The following CBFB variants were observed in gnomAD, a reference collection of about 807,000 sequenced individuals.
The protein encoded by CBFB is core-binding factor subunit beta.
In CBFB, 9 loss-of-function variants were observed where a neutral mutation model predicts 30.4. The ratio of observed to expected loss-of-function variants is 0.30; its 90% confidence interval spans 0.18 to 0.52. The LOEUF is 0.52. CBFB is among the 20% of genes least tolerant of loss of function. The pLI is 0.97. For synonymous variants in CBFB, 94 were observed against 84.0 expected, an observed-to-expected ratio of 1.12 and a Z score of -0.65; for missense variants, 170 against 244.0, an observed-to-expected ratio of 0.70 and a Z score of 2.02.
intron 3 of CBFB, among the ~76,000 whole-genome samples, chr16:67,052,881 T>G (rs964294895): frequency 2.6e-5 from 4 of 151,926 alleles, no homozygotes; most frequent in Admixed American, 6.6e-5. Flanking sequence ...GAGGATCCCT[T>G]GAGTCCTGGA....
intron 4 of CBFB, among the ~76,000 whole-genome samples, chr16:67,079,285 T>A (rs1219815378): frequency 6.6e-6 from 1 of 152,142 alleles, no homozygotes; most frequent in Non-Finnish European, 1.5e-5. Context: ...AGAAATGAAA[T>A]AACATTGCCC....
chr16:67,039,200 A>C (rs1966491306), intron 3 of CBFB, among the ~76,000 whole-genome samples: 1 of 152,204 alleles, frequency 6.6e-6, no homozygotes, highest in Admixed American at 6.5e-5. Flanking sequence ...CTCCTAGGCT[A>C]CAAACCTGTA....
chr16:67,078,796 C>A (rs1961476405), intron 4 of CBFB, among the ~76,000 whole-genome samples: 1 of 152,052 alleles, frequency 6.6e-6, no homozygotes, highest in East Asian at 1.9e-4. Flanking sequence ...ATTACAGGGG[C>A]CTGCCACCAT....
rs982061671 is a variant in CBFB at position 67,099,989 on chromosome 16, A to C, written c.*1211A>C. 2 of 208,942 alleles carry C rather than the reference A, an allele frequency of 9.6e-6. No individual in the cohort carries two copies. Among genetic ancestry groups the C allele is most frequent in the Non-Finnish European group, 2.0e-5 (2 of 102,546 alleles). The allele number at this position is 208,942 out of a possible 1,614,324, so 12.9% of individuals were successfully genotyped here. ...ACAGTTATATATATGGTATTTTGCA[A>C]AAGGACTATTAATAGAACCTTTTGA... On this transcript the variant is annotated 3_prime_UTR_variant, in exon 6 of 6. Transcript: ENST00000412916.
intron 5 of CBFB, among the ~76,000 whole-genome samples, chr16:67,096,947 A>G (rs554309486): frequency 6.6e-5 from 10 of 151,504 alleles, no homozygotes; most frequent in African/African-American, 2.4e-4. Context: ...AAAAAAATAC[A>G]TCTGAGTCGT....
At chr16:67,084,976 A>G (rs1260525172) in intron 5 of CBFB, among the ~76,000 whole-genome samples, 2 of 152,252 alleles carry the variant, frequency 1.3e-5, no homozygotes. Flanking sequence ...GAGTAAATAC[A>G]TGTGAAACCA....
At chr16:67,067,008 T>G (rs1381465478) in intron 4 of CBFB, 3 of 383,194 alleles carry the variant, frequency 7.8e-6, no homozygotes, top group Non-Finnish European at 1.5e-5. Flanking sequence ...TCATGGGTTA[T>G]TCGTATCTGC....
At chr16:67,061,202 A>C (rs1960901640) in intron 3 of CBFB, among the ~76,000 whole-genome samples, 1 of 152,260 alleles carries the variant, frequency 6.6e-6, no homozygotes, top group South Asian at 2.1e-4. Context: ...AGAAGAACAC[A>C]AGATGTGACA....
At chr16:67,062,312 G>A (rs1055445609) in intron 3 of CBFB, among the ~76,000 whole-genome samples, 5 of 150,278 alleles carry the variant, frequency 3.3e-5, no homozygotes, top group South Asian at 2.1e-4. Context: ...GGGATTACAA[G>A]AGCCCACCAC....
intron 3 of CBFB, among the ~76,000 whole-genome samples, chr16:67,046,148 C>A (rs1966623985): frequency 6.6e-6 from 1 of 151,756 alleles, no homozygotes; most frequent in Admixed American, 6.6e-5. Context: ...TCTCTGTCAC[C>A]CAGGCTGGAG....
chr16:67,049,021 A>G (rs1966688331), intron 3 of CBFB, among the ~76,000 whole-genome samples: 1 of 151,076 alleles, frequency 6.6e-6, no homozygotes, highest in African/African-American at 2.4e-5. Context: ...GGGTTTCTCC[A>G]TGTTGGTCAG....
chr16:67,066,857 C>A, intron 4 of CBFB, 59 bp downstream of exon 4: 1 of 952,446 alleles, frequency 1.0e-6, no homozygotes, highest in Non-Finnish European at 1.7e-6. Flanking sequence ...CTTGCCTTTG[C>A]CTGGGGACCT....
chr16:67,075,426 G>C (rs1961366969), intron 4 of CBFB, among the ~76,000 whole-genome samples: 1 of 152,130 alleles, frequency 6.6e-6, no homozygotes, highest in Non-Finnish European at 1.5e-5. Flanking sequence ...CATCAGAATG[G>C]TTCAAATGAA....
intron 3 of CBFB, among the ~76,000 whole-genome samples, chr16:67,054,311 G>T (rs1209972590): frequency 1.3e-5 from 2 of 152,026 alleles, no homozygotes; most frequent in Non-Finnish European, 2.9e-5. Context: ...AGAAGGCCTT[G>T]TTTCATTGTC....
At chr16:67,069,369 CA>C (rs770641806) in intron 4 of CBFB, among the ~76,000 whole-genome samples, 2,564 of 123,594 alleles carry the variant, frequency 0.021, 66 homozygotes, top group African/African-American at 0.065. Flanking sequence ...GACTTCATCT[CA>C]AAAAAAAAAA....
At position 67,099,822 on chromosome 16, in the gene CBFB, T is replaced by C; in HGVS notation, c.*1044T>C. ...AAGGTAATATTGTATTAAAATCATG[T>C]TTAAGATAGCTGCTTTTATGTGTAT... On this transcript the variant is annotated 3_prime_UTR_variant, in exon 6 of 6. Transcript: ENST00000412916. 4.7e-6 allele frequency: 1 copy of C among 212,158 alleles called. No homozygotes were observed. Among genetic ancestry groups the C allele is most frequent in the East Asian group, 7.1e-5 (1 of 14,016 alleles). 13.1% of individuals were successfully genotyped at this position (212,158 alleles called of 1,614,324 possible).
rs901863430 is a variant in CBFB at position 67,036,892 on chromosome 16, A to G, written c.282+137A>G. The G allele has an allele frequency of 1.5e-5, 9 of 613,802 alleles. No individual in the cohort carries two copies. In the African/African-American group the frequency reaches 1.5e-4, roughly 10 times the overall value. The allele number at this position is 613,802 out of a possible 1,614,324, so 38.0% of individuals were successfully genotyped here. On this transcript the variant is annotated intron_variant, in intron 3 of 5. Transcript: ENST00000412916. ...AGATTTGTTTTCATTCCATGTTATA[A>G]GGATGTAATATAATTTTTTTTTTTT...
chr16:67,091,161 C>T (rs9937433), intron 5 of CBFB, among the ~76,000 whole-genome samples: 5,530 of 152,158 alleles, frequency 0.036, 338 homozygotes, highest in African/African-American at 0.12. Flanking sequence ...GAAAAGGATA[C>T]GAAATCTGAC....
At position 67,039,128 on chromosome 16, in the gene CBFB, A is replaced by T. The variant is rs138174290; in HGVS notation, c.282+2373A>T. Reference sequence around the variant, plus strand: ...TTATCATTGTGTATATATAGAGTGTACTTACACAGATCTAGATGGTATAGC... The same window carrying T: ...TTATCATTGTGTATATATAGAGTGTTCTTACACAGATCTAGATGGTATAGC... On this transcript the variant is annotated intron_variant, in intron 3 of 5. Coordinates refer to ENST00000412916, the MANE Select transcript of CBFB (RefSeq NM_022845.3). Among the ~76,000 whole-genome samples the T allele has an allele frequency of 1.4e-4, 21 of 152,290 alleles. No homozygotes were observed. The East Asian group carries it at 3.9e-3, about 28-fold the overall frequency.
Sources: allele counts gnomAD v4.1 joint callset (sites outside exome capture counted in the v4.1 genomes callset), GRCh38; gene constraint gnomAD v4.1.1; transcripts MANE v1.5; gene names NCBI Gene and HGNC (gene_info 2026-07-23, HGNC 2026-07-21).